The following PAQR3 variants were observed in gnomAD, a reference collection of about 807,000 sequenced individuals.
The protein encoded by PAQR3 is progestin and adipoQ receptor family member 3, also known as Raf kinase trapping to Golgi.
PAQR3 carries 39 observed loss-of-function variants against 41.7 expected under a neutral mutation model. The observed-to-expected ratio is 0.93, with a 90% CI of 0.72 to 1.22. The LOEUF is 1.22. Ranked by LOEUF, PAQR3 falls within the 50% of genes most tolerant of loss-of-function variation. PAQR3 has a pLI of 0.00. For synonymous variants in PAQR3, 140 were observed against 140.6 expected, an observed-to-expected ratio of 1.00 and a Z score of 0.03; for missense variants, 366 against 385.6, an observed-to-expected ratio of 0.95 and a Z score of 0.42.
At chr4:78,891,596 A>C (rs909324968) in intron 11 of PAQR3, among the ~76,000 whole-genome samples, 3 of 152,132 alleles carry the variant, frequency 2.0e-5, no homozygotes, top group Non-Finnish European at 2.9e-5. Flanking sequence ...GCATCTTAGA[A>C]ATTTCCTTGG....
chr4:78,906,998 A>G (rs960788604), downstream of PAQR3, among the ~76,000 whole-genome samples: 3 of 152,156 alleles, frequency 2.0e-5, no homozygotes, highest in African/African-American at 7.2e-5. Context: ...AGTGAAATTG[A>G]TACTAAAAAA....
At chr4:78,930,477 G>A (rs1266486734) in intron 2 of PAQR3, 152 bp from the exon 3 acceptor site, 3 of 696,044 alleles carry the variant, frequency 4.3e-6, no homozygotes, top group Middle Eastern at 4.0e-4. Context: ...CTACTGTAGA[G>A]CTCACTCTAC....
At position 78,926,784 on chromosome 4, in the gene PAQR3, T is replaced by C. The variant is rs1736284738; in HGVS notation, c.505-66A>G. ...AATAAAGGAACTGAAAAAGTAATTT[T>C]GGCTTTTACACTACAAATTCCAAAG... On this transcript the variant is annotated intron_variant, in intron 3 of 5. Transcript: ENST00000512733. 3 of 1,454,614 alleles carry C rather than the reference T, an allele frequency of 2.1e-6. No individual in the cohort carries two copies. The East Asian group carries it at 6.9e-5, about 33-fold the overall frequency. 90.1% of individuals were successfully genotyped at this position (1,454,614 alleles called of 1,614,324 possible). A position where few individuals can be genotyped will look rare whatever the true frequency, so the allele number is the denominator to read the frequency against.
At position 78,917,522 on chromosome 4, in the gene PAQR3, T is replaced by C. The variant is rs1299129; in HGVS notation, c.*3017A>G. 0.87 allele frequency: 131,591 copies of C among 151,964 alleles called. 57,127 individuals carry two copies. Among genetic ancestry groups the C allele is most frequent in the African/African-American group, 0.92 (38,341 of 41,486 alleles). 9.4% of individuals were successfully genotyped at this position (151,964 alleles called of 1,614,324 possible). On this transcript the variant is annotated 3_prime_UTR_variant, in exon 6 of 6. Transcript: ENST00000512733. The stretch of plus-strand genomic sequence containing the variant: ...ATTCTGGTACAAAATTTCAGAGGAC[T>C]GTATTTACACCTCTTTAGTGTAAAC...
At chr4:78,937,275 T>C (rs1578045043) in intron 1 of PAQR3, among the ~76,000 whole-genome samples, 2 of 152,160 alleles carry the variant, frequency 1.3e-5, no homozygotes, top group African/African-American at 4.8e-5. Flanking sequence ...TAAGTAAAAA[T>C]GCTATTTAAA....
Position 78,916,947 on chromosome 4 carries a change from CTT to C in PAQR3, c.*3590_*3591del, listed in dbSNP as rs1735141130. 1 of 151,728 alleles carries C rather than the reference CTT, an allele frequency of 6.6e-6. No individual in the cohort carries two copies. The highest frequency in any genetic ancestry group is 2.4e-5 in the African/African-American group (1 of 41,338). The allele number at this position is 151,728 out of a possible 1,614,324, so 9.4% of individuals were successfully genotyped here. A position where few individuals can be genotyped will look rare whatever the true frequency, so the allele number is the denominator to read the frequency against. Reference sequence around the variant, plus strand: ...GGTTCATCCTATTTTTATGAATTAACTTTTTCTGAAGTTGTAACATTTATCTA... The same window carrying C: ...GGTTCATCCTATTTTTATGAATTAACTTTCTGAAGTTGTAACATTTATCTA... On this transcript the variant is annotated 3_prime_UTR_variant, in exon 6 of 6. Coordinates refer to ENST00000512733, the MANE Select transcript of PAQR3 (RefSeq NM_001040202.2).
chr4:78,898,934 G>A (rs1577973414), intron 11 of PAQR3: 1 of 152,272 alleles, frequency 6.6e-6, no homozygotes, highest in East Asian at 1.9e-4. Context: ...CAGTAGTTCT[G>A]GACTGCAATG....
At chr4:78,934,227 T>C (rs892080469) in intron 2 of PAQR3, among the ~76,000 whole-genome samples, 3 of 152,232 alleles carry the variant, frequency 2.0e-5, no homozygotes, top group African/African-American at 7.2e-5. Context: ...TTTGTTTTGC[T>C]GTGTTTCTTG....
At chr4:78,906,607 T>C (rs894471359) in intron 10 of PAQR3, among the ~76,000 whole-genome samples, 1 of 152,146 alleles carries the variant, frequency 6.6e-6, no homozygotes, top group African/African-American at 2.4e-5. Context: ...CATTTGTTGG[T>C]CTACTTACTT....
rs1321994412 is a variant in PAQR3 at position 78,919,033 on chromosome 4, C to G, written c.*1506G>C. 1.0e-6 allele frequency: 1 copy of G among 984,904 alleles called. No individual in the cohort carries two copies. The highest frequency in any genetic ancestry group is 1.7e-5 in the African/African-American group (1 of 57,150). 61.0% of individuals were successfully genotyped at this position (984,904 alleles called of 1,614,324 possible). The stretch of plus-strand genomic sequence containing the variant: ...TTACTGAGCCTCCTGGGGGGAAATT[C>G]TCTTTGCTGAGATACTATACTAGCA... On this transcript the variant is annotated 3_prime_UTR_variant, in exon 6 of 6. Coordinates refer to ENST00000512733, the MANE Select transcript of PAQR3 (RefSeq NM_001040202.2).
intron 3 of PAQR3, among the ~76,000 whole-genome samples, chr4:78,929,289 G>A (rs1736573001): frequency 1.3e-5 from 2 of 152,228 alleles, no homozygotes; most frequent in Admixed American, 1.3e-4. Flanking sequence ...CTGAAAGGGA[G>A]GTAACTAAAA....
intron 4 of PAQR3, among the ~76,000 whole-genome samples, 167 bp from the exon 5 acceptor site, chr4:78,924,114 T>G (rs568981533): frequency 1.3e-5 from 2 of 152,134 alleles, no homozygotes; most frequent in African/African-American, 4.8e-5. Flanking sequence ...CCTGCAAGAA[T>G]GGAGCACAGA....
At chr4:78,901,081 T>C (rs950922256) in intron 11 of PAQR3, among the ~76,000 whole-genome samples, 10 of 152,160 alleles carry the variant, frequency 6.6e-5, no homozygotes, top group African/African-American at 2.4e-4. Context: ...CTTGCTCTGT[T>C]GCCCAGGCTG....
chr4:78,890,097 A>G (rs1288647461), intron 11 of PAQR3, among the ~76,000 whole-genome samples: 1 of 152,094 alleles, frequency 6.6e-6, no homozygotes, highest in Non-Finnish European at 1.5e-5. Flanking sequence ...ATAATCTTAC[A>G]AAGTGATTTG....
In PAQR3 at chr4:78,920,632, T is replaced by C. The variant is rs1255270721; in HGVS notation, c.843A>G (p.Ala281=). The change falls in exon 6 of 6, where the codon GCA becomes GCG. Residue 281 remains alanine (A), a synonymous_variant. Coordinates refer to ENST00000512733, the MANE Select transcript of PAQR3 (RefSeq NM_001040202.2). ...GATGCCACCAATATAACATCACTAC[T>C]GCAAGGATATGCCATATTTGGTGGC... The part of the protein sequence containing the change: ...GSSHQIWHIL[A]VVMLYWWHQS... 5 of 1,611,356 alleles carry C rather than the reference T, an allele frequency of 3.1e-6. No homozygotes were observed. The highest frequency in any genetic ancestry group is 1.3e-5 in the African/African-American group (1 of 74,670).
chr4:78,904,670 T>A (rs1329468949), intron 11 of PAQR3, among the ~76,000 whole-genome samples: 1 of 151,946 alleles, frequency 6.6e-6, no homozygotes, highest in East Asian at 1.9e-4. Flanking sequence ...CATTTTCAGA[T>A]AGTAGAATTC....
chr4:78,936,436 TC>T (rs1379161311), intron 1 of PAQR3, among the ~76,000 whole-genome samples: 1 of 152,202 alleles, frequency 6.6e-6, no homozygotes, highest in Non-Finnish European at 1.5e-5. Context: ...GCTTTGCTTC[TC>T]AACTTCATTT....
At chr4:78,934,990 T>C (rs928932092) in intron 2 of PAQR3, 131 bp downstream of exon 2, 20 of 728,490 alleles carry the variant, frequency 2.7e-5, no homozygotes, top group Non-Finnish European at 4.6e-5. Context: ...GTTATGAAAA[T>C]CAATAAGCTG....
intron 5 of PAQR3, chr4:78,922,681 A>T: frequency 2.8e-6 from 1 of 359,748 alleles, no homozygotes; most frequent in South Asian, 2.1e-5. Context: ...ACTTGGTTAC[A>T]TGATATGTGC....
Sources: gnomAD v4.1 joint callset for allele counts (sites outside exome capture counted in the v4.1 genomes callset) on GRCh38, gnomAD v4.1.1 for gene constraint, MANE v1.5 for transcripts, NCBI Gene and HGNC (gene_info 2026-07-23, HGNC 2026-07-21) for gene names.